YES1: variants seen among roughly 807,000 people sequenced by gnomAD.
YES1 encodes YES proto-oncogene 1, Src family tyrosine kinase, also known as tyrosine-protein kinase Yes.
Under a neutral mutation model 70.4 loss-of-function variants are expected in YES1, and 39 were observed. The ratio of observed to expected loss-of-function variants is 0.55; its 90% CI spans 0.43 to 0.72. The LOEUF is 0.72. Ranked by LOEUF, YES1 falls within the 30% of genes least tolerant of loss-of-function variation. YES1 has a pLI of 0.00. For missense variants in YES1, 495 were observed against 644.8 expected, an observed-to-expected ratio of 0.77 and a Z score of 2.52; for synonymous variants, 198 against 218.6, an observed-to-expected ratio of 0.91 and a Z score of 0.83.
chr18:724,267 GA>G lies in YES1; in HGVS notation c.*156del, dbSNP rs1319799918. On this transcript the variant is annotated 3_prime_UTR_variant, in exon 12 of 12. Coordinates refer to ENST00000314574, the MANE Select transcript of YES1 (RefSeq NM_005433.4). ...GGTACATTAGAGTTTAATACTTGGG[GA>G]AAAAAAAGTGGTTTTGTGCAACCAT... 3.7e-5 allele frequency: 25 copies of G among 674,538 alleles called. No individual in the cohort carries two copies. Among genetic ancestry groups the G allele is most frequent in the East Asian group, 2.7e-4 (10 of 36,502 alleles). 41.8% of individuals were successfully genotyped at this position (674,538 alleles called of 1,614,324 possible).
intron 1 of YES1, among the ~76,000 whole-genome samples, chr18:799,709 A>C (rs1906723537): frequency 6.6e-6 from 1 of 152,044 alleles, no homozygotes; most frequent in Non-Finnish European, 1.5e-5. Context: ...TTTCAAAAAA[A>C]ATTTTAATTT....
Position 743,834 on chromosome 18 carries a change from A to T in YES1, c.725-419T>A, listed in dbSNP as rs191521791. 1.1e-3 allele frequency among the ~76,000 whole-genome samples: 160 copies of T among 151,768 alleles called. 1 individual carries two copies. Among genetic ancestry groups the T allele is most frequent in the African/African-American group, 3.7e-3 (152 of 41,410 alleles). Reference sequence around the variant, plus strand: ...GGCAGATGGATCGCATGAACCCAGGAGGCAGAGGTTGCAGTGAGCCAAAAT... The same window carrying T: ...GGCAGATGGATCGCATGAACCCAGGTGGCAGAGGTTGCAGTGAGCCAAAAT... On this transcript the variant is annotated intron_variant, in intron 6 of 11. Coordinates refer to ENST00000314574, the MANE Select transcript of YES1 (RefSeq NM_005433.4).
intron 3 of YES1, among the ~76,000 whole-genome samples, chr18:749,691 T>TAA (rs542060072): frequency 1.5e-3 from 210 of 143,516 alleles, no homozygotes; most frequent in African/African-American, 5.1e-3. Flanking sequence ...CCGTCTCTAC[T>TAA]AAAAAAAAAA....
intron 1 of YES1, among the ~76,000 whole-genome samples, chr18:767,832 C>T (rs1012893203): frequency 1.5e-4 from 23 of 152,072 alleles, no homozygotes; most frequent in Non-Finnish European, 2.1e-4. Context: ...TCCCAAGTAG[C>T]TGGGATTACA....
At chr18:752,804 ATGGTGGCGCATGCC>A (rs993491338) in intron 2 of YES1, among the ~76,000 whole-genome samples, 2 of 152,106 alleles carry the variant, frequency 1.3e-5, no homozygotes, top group Non-Finnish European at 2.9e-5. Flanking sequence ...TTAGCCAGGC[ATGGTGGCGCATGCC>A]TGTAATCTCA....
At chr18:752,074 A>C (rs2080351026) in intron 2 of YES1, among the ~76,000 whole-genome samples, 1 of 152,166 alleles carries the variant, frequency 6.6e-6, no homozygotes, top group South Asian at 2.1e-4. Context: ...GTATTCTACA[A>C]ATTATAAAAC....
intron 1 of YES1, among the ~76,000 whole-genome samples, chr18:759,726 A>G (rs1211290271): frequency 6.6e-6 from 1 of 151,786 alleles, no homozygotes. Context: ...TTTTATTATT[A>G]TTATACTCTA....
intron 1 of YES1, among the ~76,000 whole-genome samples, chr18:776,640 T>C (rs1454350378): frequency 1.3e-5 from 2 of 152,164 alleles, no homozygotes; most frequent in Non-Finnish European, 2.9e-5. Flanking sequence ...GTCTGAAACA[T>C]AAAAAGCATT....
At chr18:746,321 G>A (rs1046750285) in intron 4 of YES1, among the ~76,000 whole-genome samples, 1 of 152,142 alleles carries the variant, frequency 6.6e-6, no homozygotes, top group Non-Finnish European at 1.5e-5. Flanking sequence ...ACAGTAGAGA[G>A]GGAAAGGCAG....
chr18:741,836 A>T (rs2080220209), intron 8 of YES1, among the ~76,000 whole-genome samples: 1 of 152,110 alleles, frequency 6.6e-6, no homozygotes, highest in Non-Finnish European at 1.5e-5. Context: ...CAAACAAACA[A>T]AAAAATGTCA....
chr18:731,469 T>C (rs1018956773), intron 11 of YES1, among the ~76,000 whole-genome samples: 2 of 152,158 alleles, frequency 1.3e-5, no homozygotes, highest in Admixed American at 1.3e-4. Context: ...GAGGGAACTG[T>C]AGGGAAGAGG....
chr18:788,793 G>A (rs958838500), intron 1 of YES1, among the ~76,000 whole-genome samples: 10 of 152,144 alleles, frequency 6.6e-5, no homozygotes, highest in Non-Finnish European at 1.2e-4. Flanking sequence ...AGACATGGTG[G>A]TGTGCGCCTG....
At chr18:792,947 T>C (rs539251641) in intron 1 of YES1, among the ~76,000 whole-genome samples, 2 of 152,122 alleles carry the variant, frequency 1.3e-5, no homozygotes, top group Admixed American at 6.5e-5. Flanking sequence ...TCCATGATAT[T>C]ATATATCTAT....
At chr18:765,295 TG>T (rs1904845976) in intron 1 of YES1, among the ~76,000 whole-genome samples, 1 of 134,920 alleles carries the variant, frequency 7.4e-6, no homozygotes, top group African/African-American at 2.7e-5. Flanking sequence ...TATATATATC[TG>T]TAGCAATTTT....
At chr18:740,735 A>G (rs1453395280) in intron 8 of YES1, among the ~76,000 whole-genome samples, 3 of 152,200 alleles carry the variant, frequency 2.0e-5, no homozygotes, top group African/African-American at 7.2e-5. Flanking sequence ...CTTGTATTCT[A>G]AATCTCTCCC....
chr18:762,664 C>A (rs1490775509), intron 1 of YES1, among the ~76,000 whole-genome samples: 1 of 152,262 alleles, frequency 6.6e-6, no homozygotes, highest in East Asian at 1.9e-4. Context: ...ACAACGTACA[C>A]TACTCCGGTG....
At chr18:747,831 C>CTG (rs2145719587) in intron 4 of YES1, 89 bp downstream of exon 4, 2 of 1,173,868 alleles carry the variant, frequency 1.7e-6, no homozygotes, top group East Asian at 4.7e-5. Context: ...GTATATAATT[C>CTG]TGTGTGTGTA....
At chr18:794,650 C>G (rs942755773) in intron 1 of YES1, among the ~76,000 whole-genome samples, 8 of 152,108 alleles carry the variant, frequency 5.3e-5, no homozygotes, top group Non-Finnish European at 1.0e-4. Flanking sequence ...GGGCTATGCT[C>G]CCCCTGACAC....
chr18:779,783 T>C (rs192757969), intron 1 of YES1, among the ~76,000 whole-genome samples: 1 of 152,290 alleles, frequency 6.6e-6, no homozygotes, highest in East Asian at 1.9e-4. Context: ...AGTAAACAAT[T>C]AGATACCACT....
Sources: gnomAD v4.1 joint callset for allele counts (sites outside exome capture counted in the v4.1 genomes callset) on GRCh38, gnomAD v4.1.1 for gene constraint, MANE v1.5 for transcripts, NCBI Gene and HGNC (gene_info 2026-07-23, HGNC 2026-07-21) for gene names.